The following TAB2 variants were observed in gnomAD, a reference collection of about 807,000 sequenced individuals.
TAB2 encodes the protein TGF-beta-activated kinase 1 and MAP3K7-binding protein 2.
TAB2 carries 3 observed loss-of-function variants against 65.0 expected under a neutral mutation model. The observed-to-expected ratio is 0.05, with a 90% CI of 0.02 to 0.12. The LOEUF (loss-of-function observed/expected upper bound fraction) is 0.12, where lower values mean the gene tolerates loss of function less well. Ranked by LOEUF, TAB2 falls within the 10% of genes least tolerant of loss-of-function variation. The pLI, the probability that TAB2 is intolerant of heterozygous loss-of-function variation, is 1.00. For synonymous variants in TAB2, 298 were observed against 285.1 expected, an observed-to-expected ratio of 1.05 and a Z score of -0.46; for missense variants, 623 against 840.3, an observed-to-expected ratio of 0.74 and a Z score of 3.20.
At chr6:149,264,374 G>T (rs6570957) in intron 1 of TAB2, among the ~76,000 whole-genome samples, 72,035 of 152,076 alleles carry the variant, frequency 0.47, 17,549 homozygotes, top group East Asian at 0.69. Flanking sequence ...CTAATACTTG[G>T]GACCAGTAGC....
chr6:149,277,766 T>C (rs545408098), intron 1 of TAB2, among the ~76,000 whole-genome samples: 1 of 152,338 alleles, frequency 6.6e-6, no homozygotes, highest in Non-Finnish European at 1.5e-5. Context: ...ATAAATGTAC[T>C]ACCATATAGT....
chr6:149,244,895 A>T (rs1223487849), intron 1 of TAB2: 1 of 151,390 alleles, frequency 6.6e-6, no homozygotes, highest in Admixed American at 6.6e-5. Flanking sequence ...AAAAAAAAAA[A>T]CAACAAGATA....
At chr6:149,312,834 T>C (rs1779188445), upstream of TAB2, among the ~76,000 whole-genome samples, 1 of 152,222 alleles carries the variant, frequency 6.6e-6, no homozygotes, top group African/African-American at 2.4e-5. Flanking sequence ...AATTAACATA[T>C]CATCTTACAC....
intron 1 of TAB2, among the ~76,000 whole-genome samples, chr6:149,324,400 T>A (rs962290839): frequency 2.0e-5 from 3 of 152,298 alleles, no homozygotes; most frequent in African/African-American, 2.4e-5. Flanking sequence ...TTAAATAATA[T>A]TATTAATATT....
intron 1 of TAB2, chr6:149,255,276 G>A (rs1300990096): frequency 2.6e-5 from 4 of 152,218 alleles, no homozygotes; most frequent in Non-Finnish European, 4.4e-5. Flanking sequence ...TGCAAGCCAG[G>A]AAGAGGCCCT....
At chr6:149,400,385 G>A in intron 6 of TAB2, 60 of 1,613,626 alleles carry the variant, frequency 3.7e-5, no homozygotes, top group Non-Finnish European at 5.0e-5. Context: ...AGACTCCGGT[G>A]TTCACCATGG....
At chr6:149,310,429 A>G (rs1051968658) in intron 1 of TAB2, among the ~76,000 whole-genome samples, 12 of 152,148 alleles carry the variant, frequency 7.9e-5, no homozygotes, top group African/African-American at 2.9e-4. Context: ...ATTTCTGTTT[A>G]TCTCCAGCTT....
At chr6:149,370,340 A>G (rs1240273045) in intron 2 of TAB2, among the ~76,000 whole-genome samples, 2 of 152,208 alleles carry the variant, frequency 1.3e-5, no homozygotes, top group African/African-American at 4.8e-5. Context: ...ATCTGAATGT[A>G]AAGCATTGAT....
At position 149,281,555 on chromosome 6, in the gene TAB2, C is replaced by CAAAAAA. The variant is rs59196897; in HGVS notation, c.-121+62800_-121+62805dup. Among the ~76,000 whole-genome samples the CAAAAAA allele has an allele frequency of 3.2e-3, 227 of 70,334 alleles. 59 individuals are homozygous for CAAAAAA. Among genetic ancestry groups the CAAAAAA allele is most frequent in the African/African-American group, 9.4e-3 (185 of 19,640 alleles). The allele number at this position is 70,334 out of a possible 152,430, so 46.1% of individuals were successfully genotyped here. ...TGAACAACACAGCAAGATGCCATCT[C>CAAAAAA]AAAAAAAAAAAAAAAAAAAAAAAAA... is the stretch of plus-strand genomic sequence containing the variant. On this transcript the variant is annotated intron_variant, in intron 1 of 1. Transcript: ENST00000606202.
intron 1 of TAB2, among the ~76,000 whole-genome samples, chr6:149,282,161 GT>G (rs1332107971): frequency 1.6e-5 from 2 of 126,776 alleles, no homozygotes; most frequent in Non-Finnish European, 3.4e-5. Flanking sequence ...GCAAGACTCT[GT>G]CAAAAAAAAA....
intron 1 of TAB2, among the ~76,000 whole-genome samples, chr6:149,369,249 G>T (rs929380775): frequency 6.6e-6 from 1 of 151,996 alleles, no homozygotes; most frequent in Non-Finnish European, 1.5e-5. Flanking sequence ...TTTCAACTTC[G>T]ACCACACATT....
intron 6 of TAB2, chr6:149,400,693 T>A (rs772573312): frequency 1.2e-6 from 2 of 1,611,788 alleles, no homozygotes; most frequent in Non-Finnish European, 8.5e-7. Flanking sequence ...GGGAACCTGC[T>A]TCTTTACTCC....
chr6:149,406,310 G>A (rs1782663017), intron 6 of TAB2, among the ~76,000 whole-genome samples: 1 of 152,166 alleles, frequency 6.6e-6, no homozygotes, highest in Admixed American at 6.5e-5. Flanking sequence ...TTATGGATAG[G>A]AAAATGTACA....
rs1274546767 is a variant in TAB2, at chr6:149,253,950, A to AAG, written c.-121+35176_-121+35177dup. Among the ~76,000 whole-genome samples the AAG allele has an allele frequency of 6.7e-3, 743 of 110,582 alleles. 2 individuals are homozygous for AAG. The highest frequency in any genetic ancestry group is 9.4e-3 in the East Asian group (34 of 3,610). The allele number at this position is 110,582 out of a possible 152,430, so 72.5% of individuals were successfully genotyped here. A position where few individuals can be genotyped will look rare whatever the true frequency, so the allele number is the denominator to read the frequency against. On this transcript the variant is annotated intron_variant, in intron 1 of 1. Coordinates refer to the TAB2 transcript ENST00000606202. ...AGAAAGAAAGAAAGAAAGAGAAAGAAAGAAAGAAAAAGAAAGAAAGAAAGA... is the reference window on the plus strand; with the variant it reads ...AGAAAGAAAGAAAGAAAGAGAAAGAAAGAGAAAGAAAAAGAAAGAAAGAAAGA...
chr6:149,339,588 TATTTATTTATTTA>T (rs767520821), intron 1 of TAB2, among the ~76,000 whole-genome samples: 6 of 22,496 alleles, frequency 2.7e-4, no homozygotes, highest in Non-Finnish European at 6.0e-4. Flanking sequence ...TAATCTTTTT[TATTTATTTATTTA>T]TTTATTTTTT....
intron 1 of TAB2, among the ~76,000 whole-genome samples, chr6:149,223,486 G>C (rs1777199673): frequency 6.6e-6 from 1 of 152,158 alleles, no homozygotes; most frequent in Admixed American, 6.5e-5. Flanking sequence ...TTGCTATTTT[G>C]TAGAGTATGA....
intron 1 of TAB2, among the ~76,000 whole-genome samples, chr6:149,329,795 G>C (rs1442466667): frequency 1.3e-5 from 2 of 151,876 alleles, no homozygotes; most frequent in African/African-American, 4.8e-5. Flanking sequence ...GTCACCAAAG[G>C]GCTTTAAGAT....
At chr6:149,245,075 C>T (rs942082867) in intron 1 of TAB2, 1 of 152,182 alleles carries the variant, frequency 6.6e-6, no homozygotes, top group Non-Finnish European at 1.5e-5. Context: ...GAGTTTAAAC[C>T]CAGGCACTCA....
chr6:149,237,871 A>C (rs1777529763), intron 1 of TAB2, among the ~76,000 whole-genome samples: 2 of 152,046 alleles, frequency 1.3e-5, no homozygotes, highest in South Asian at 4.1e-4. Flanking sequence ...CTCCAAATCA[A>C]TTTGTTTGAA....
Sources: gnomAD v4.1 joint callset for allele counts (sites outside exome capture counted in the v4.1 genomes callset) on GRCh38, gnomAD v4.1.1 for gene constraint, MANE v1.5 for transcripts, NCBI Gene and HGNC (gene_info 2026-07-23, HGNC 2026-07-21) for gene names.